The following PCDHGB1 variants were observed in gnomAD, a reference collection of about 807,000 sequenced individuals.
PCDHGB1 encodes protocadherin gamma subfamily B, 1.
A neutral mutation model predicts 56.6 loss-of-function variants in PCDHGB1; 34 were observed. The ratio of observed to expected loss-of-function variants is 0.60; its 90% confidence interval spans 0.46 to 0.80. The LOEUF is 0.80. PCDHGB1 is among the 30% of genes least tolerant of loss of function. The pLI is 0.00. For synonymous variants in PCDHGB1, 561 were observed against 505.9 expected, an observed-to-expected ratio of 1.11 and a Z score of -1.46; for missense variants, 1,278 against 1,204.6, an observed-to-expected ratio of 1.06 and a Z score of -0.90.
Position 141,486,253 on chromosome 5 carries a change from C to A in PCDHGB1, c.2410-8554C>A. The A allele has an allele frequency of 6.2e-7, 1 of 1,614,138 alleles. No individual in the cohort carries two copies. Among genetic ancestry groups the A allele is most frequent in the Non-Finnish European group, 8.5e-7 (1 of 1,180,006 alleles). On this transcript the variant is annotated intron_variant, in intron 1 of 3. Transcript: ENST00000523390. This position sits in a 1 kb window ranked among gnomAD's most constrained non-coding sequence, Gnocchi z 5.0. ...TGACCTCAGAGCTTGGAACCCTCCC[C>A]GAGAGTGCAGAACCTGGCACTGTGG...
chr5:141,432,969 C>T lies in PCDHGB1; in HGVS notation c.2410-61838C>T, dbSNP rs754836894. On this transcript the variant is annotated intron_variant, in intron 1 of 3. Coordinates refer to ENST00000523390, the MANE Select transcript of PCDHGB1 (RefSeq NM_018922.3). The surrounding 1 kb of genome is among the most constrained non-coding windows in gnomAD (Gnocchi z 6.0). ...GGAGGCGGCTTGACAGGAGCGCCGG[C>T]GTCGCACTTTGTGGGCGTGGACGGG... The T allele has an allele frequency of 3.7e-6, 6 of 1,614,030 alleles. No individual in the cohort carries two copies. In the African/African-American group the frequency reaches 8.0e-5, roughly 22 times the overall value.
At chr5:141,436,752 A>G (rs2097844842) in intron 1 of PCDHGB1, among the ~76,000 whole-genome samples, 2 of 152,194 alleles carry the variant, frequency 1.3e-5, no homozygotes, top group South Asian at 4.1e-4. Context: ...GCTTCTCCAT[A>G]TGGTATAATG....
At position 141,486,785 on chromosome 5, in the gene PCDHGB1, C is replaced by T. The variant is rs763174232; in HGVS notation, c.2410-8022C>T. 1.2e-5 allele frequency: 20 copies of T among 1,614,102 alleles called. No homozygotes were observed. The highest frequency in any genetic ancestry group is 5.3e-5 in the African/African-American group (4 of 74,936). On this transcript the variant is annotated intron_variant, in intron 1 of 3. Transcript: ENST00000523390. This position sits in a 1 kb window ranked among gnomAD's most constrained non-coding sequence, Gnocchi z 5.0. ...GACACTGCAGTTTGAGGTGCAGGCC[C>T]GGGATCGGGGCAACCCACCCCTTAG...
In PCDHGB1 at chr5:141,432,897, C is replaced by A. The variant is rs780142081; in HGVS notation, c.2410-61910C>A. 1.2e-6 allele frequency: 2 copies of A among 1,614,178 alleles called. No individual in the cohort carries two copies. Among genetic ancestry groups the A allele is most frequent in the Non-Finnish European group, 1.7e-6 (2 of 1,180,010 alleles). On this transcript the variant is annotated intron_variant, in intron 1 of 3. Coordinates refer to ENST00000523390, the MANE Select transcript of PCDHGB1 (RefSeq NM_018922.3). The surrounding 1 kb of genome is among the most constrained non-coding windows in gnomAD (Gnocchi z 6.0). ...CTGGCCTTCGTCATCTTGCTGCTGGCGCTCAGGCTGCGGCGCTGGCACAAG... is the reference window on the plus strand; with the variant it reads ...CTGGCCTTCGTCATCTTGCTGCTGGAGCTCAGGCTGCGGCGCTGGCACAAG...
Position 141,431,464 on chromosome 5 carries a change from G to GA in PCDHGB1, c.2410-63341dup, listed in dbSNP as rs1561852795. 1 of 1,613,782 alleles carries GA rather than the reference G, an allele frequency of 6.2e-7. No homozygotes were observed. Among genetic ancestry groups the GA allele is most frequent in the Non-Finnish European group, 8.5e-7 (1 of 1,179,972 alleles). ...GCATCCGCGTGATGGTTCTGGATGC[G>GA]AACGACAACGCACCAGCGTTTGCTC... On this transcript the variant is annotated intron_variant, in intron 1 of 3. Coordinates refer to ENST00000523390, the MANE Select transcript of PCDHGB1 (RefSeq NM_018922.3). This position sits in a 1 kb window ranked among gnomAD's most constrained non-coding sequence, Gnocchi z 4.8.
Position 141,477,443 on chromosome 5 carries a change from G to C in PCDHGB1, c.2410-17364G>C. The C allele has an allele frequency of 6.2e-7, 1 of 1,614,136 alleles. No individual in the cohort carries two copies. Among genetic ancestry groups the C allele is most frequent in the Non-Finnish European group, 8.5e-7 (1 of 1,180,024 alleles). ...CCCTTCCCTCTCAGCCCTTACAATA[G>C]TGCGTGTTCAAGTGTCCGACATCAA... On this transcript the variant is annotated intron_variant, in intron 1 of 3. Coordinates refer to ENST00000523390, the MANE Select transcript of PCDHGB1 (RefSeq NM_018922.3). This position sits in a 1 kb window ranked among gnomAD's most constrained non-coding sequence, Gnocchi z 4.9.
intron 1 of PCDHGB1, among the ~76,000 whole-genome samples, chr5:141,470,997 A>G (rs905897657): frequency 3.8e-4 from 57 of 150,462 alleles, no homozygotes; most frequent in African/African-American, 1.3e-3. Flanking sequence ...GACTACAGGC[A>G]TGAGCCACTG....
At chr5:141,478,355 G>T (rs1193169527) in intron 1 of PCDHGB1, 7 of 1,613,742 alleles carry the variant, frequency 4.3e-6, no homozygotes, top group Non-Finnish European at 5.1e-6. Flanking sequence ...CGCGGACGCC[G>T]TGCGGGGAGG....
At chr5:141,389,036 G>A in intron 1 of PCDHGB1, 1 of 1,613,928 alleles carries the variant, frequency 6.2e-7, no homozygotes, top group Non-Finnish European at 8.5e-7. Flanking sequence ...CTTGTAAATT[G>A]GAAGGTGATG....
At chr5:141,423,577 G>T (rs1348410879) in intron 1 of PCDHGB1, 1 of 1,613,478 alleles carries the variant, frequency 6.2e-7, no homozygotes, top group Admixed American at 1.7e-5. Flanking sequence ...CATCAGCCAG[G>T]AGAGCTGTGA....
At chr5:141,451,925 G>A (rs1391178313) in intron 1 of PCDHGB1, among the ~76,000 whole-genome samples, 2 of 152,012 alleles carry the variant, frequency 1.3e-5, no homozygotes, top group East Asian at 3.8e-4. Context: ...AGGAAGGGAG[G>A]TAGGGAGGCA....
chr5:141,494,197 C>T (rs73794924), intron 1 of PCDHGB1, among the ~76,000 whole-genome samples: 1,654 of 152,242 alleles, frequency 0.011, 27 homozygotes, highest in African/African-American at 0.037. Flanking sequence ...CTTGGATGCC[C>T]CGCAAAGGCC....
At position 141,491,168 on chromosome 5, in the gene PCDHGB1, A is replaced by T. The variant is rs1293664414; in HGVS notation, c.2410-3639A>T. On this transcript the variant is annotated intron_variant, in intron 1 of 3. Transcript: ENST00000523390. This position sits in a 1 kb window ranked among gnomAD's most constrained non-coding sequence, Gnocchi z 6.9. ...CTGGAGGATGACTCTGACACCCAGC[A>T]GGTGGTGGTCCTGGTGAGGGACAAT... 3.1e-6 allele frequency: 5 copies of T among 1,614,160 alleles called. No individual in the cohort carries two copies. The highest frequency in any genetic ancestry group is 4.2e-6 in the Non-Finnish European group (5 of 1,179,988).
Position 141,389,722 on chromosome 5 carries a change from G to C in PCDHGB1, c.2409+37053G>C, listed in dbSNP as rs141134077. 15,348 of 1,612,674 alleles carry C rather than the reference G, an allele frequency of 9.5e-3. 102 individuals are homozygous for C. The highest frequency in any genetic ancestry group is 0.028 in the Middle Eastern group (161 of 5,786). On this transcript the variant is annotated intron_variant, in intron 1 of 3. Coordinates refer to ENST00000523390, the MANE Select transcript of PCDHGB1 (RefSeq NM_018922.3). ...CACGTGCTGCAGGCTAGCGAGCCCG[G>C]GCTCTTCAGCCTGGGGCTGCGCACG...
At chr5:141,399,393 CAG>C (rs1335804490) in intron 1 of PCDHGB1, 1 of 1,613,976 alleles carries the variant, frequency 6.2e-7, no homozygotes, top group Non-Finnish European at 8.5e-7. Flanking sequence ...CAGCCACAGA[CAG>C]GGGCAAGCCG....
At chr5:141,366,687 A>C in intron 1 of PCDHGB1, 1 of 1,614,248 alleles carries the variant, frequency 6.2e-7, no homozygotes, top group Non-Finnish European at 8.5e-7. Context: ...GAGAGCTGTG[A>C]GAAAAGCGAG....
Position 141,491,636 on chromosome 5 carries a change from C to T in PCDHGB1, c.2410-3171C>T. ...AGACCCCTCAGCGTTCAGCAGCCCA[C>T]AGCTCTGGCGCTGGAGCCTGACGCC... On this transcript the variant is annotated intron_variant, in intron 1 of 3. Coordinates refer to ENST00000523390, the MANE Select transcript of PCDHGB1 (RefSeq NM_018922.3). This position sits in a 1 kb window ranked among gnomAD's most constrained non-coding sequence, Gnocchi z 6.9. 6.2e-7 allele frequency: 1 copy of T among 1,613,922 alleles called. No homozygotes were observed. Among genetic ancestry groups the T allele is most frequent in the Non-Finnish European group, 8.5e-7 (1 of 1,180,020 alleles).
intron 1 of PCDHGB1, among the ~76,000 whole-genome samples, chr5:141,467,320 T>C (rs1593065881): frequency 6.6e-6 from 1 of 152,322 alleles, no homozygotes; most frequent in African/African-American, 2.4e-5. Flanking sequence ...CCCACAGTGC[T>C]GGGATTAGAG....
intron 1 of PCDHGB1, chr5:141,419,370 A>G (rs1460064670): frequency 1.9e-6 from 3 of 1,613,574 alleles, no homozygotes; most frequent in African/African-American, 2.7e-5. Context: ...CTGTCGTCCT[A>G]CGTGTCCGTG....
Sources: gnomAD v4.1 joint callset for allele counts (sites outside exome capture counted in the v4.1 genomes callset) on GRCh38, gnomAD v4.1.1 for gene constraint, Gnocchi (gnomAD v3.1) non-coding constraint, MANE v1.5 for transcripts, NCBI Gene and HGNC (gene_info 2026-07-23, HGNC 2026-07-21) for gene names.